The following RIMS2 variants were observed in gnomAD, a reference collection of about 807,000 sequenced individuals.
RIMS2 encodes regulating synaptic membrane exocytosis 2.
RIMS2 carries 59 observed loss-of-function variants against 174.4 expected under a neutral mutation model. The observed-to-expected ratio is 0.34, with a 90% CI of 0.27 to 0.42. The LOEUF is 0.42. RIMS2 is among the 10% of genes least tolerant of loss of function. The pLI, the probability that RIMS2 is intolerant of heterozygous loss-of-function variation, is 1.00. For synonymous variants in RIMS2, 606 were observed against 572.5 expected, an observed-to-expected ratio of 1.06 and a Z score of -0.84; for missense variants, 1,620 against 1,666.3, an observed-to-expected ratio of 0.97 and a Z score of 0.48.
intron 1 of RIMS2, among the ~76,000 whole-genome samples, chr8:103,593,342 T>C (rs1042379942): frequency 4.6e-5 from 7 of 151,464 alleles, no homozygotes; most frequent in African/African-American, 1.7e-4. Flanking sequence ...TGCTGCAAAA[T>C]TGCACATGGG....
At chr8:104,241,748 TTTTGTTTG>T (rs528533367) in intron 19 of RIMS2, among the ~76,000 whole-genome samples, 2 of 151,704 alleles carry the variant, frequency 1.3e-5, no homozygotes, top group Non-Finnish European at 2.9e-5. Context: ...TGCTTGGGGT[TTTTGTTTG>T]TTTGTTTGTT....
At chr8:104,023,066 G>A (rs989992188) in intron 19 of RIMS2, among the ~76,000 whole-genome samples, 12 of 152,068 alleles carry the variant, frequency 7.9e-5, no homozygotes, top group African/African-American at 2.9e-4. Flanking sequence ...TTTATTTTAT[G>A]TATCACAATA....
chr8:103,850,204 A>T (rs1229305680), intron 3 of RIMS2, among the ~76,000 whole-genome samples: 1 of 152,068 alleles, frequency 6.6e-6, no homozygotes, highest in African/African-American at 2.4e-5. Context: ...GTTTAAATAT[A>T]GTCATTCAAT....
At chr8:103,812,463 C>T (rs1274445160) in intron 3 of RIMS2, among the ~76,000 whole-genome samples, 1 of 150,644 alleles carries the variant, frequency 6.6e-6, no homozygotes, top group African/African-American at 2.4e-5. Context: ...TTGGTATATA[C>T]CTCCGCCTCT....
chr8:104,109,510 G>T (rs931816898), intron 19 of RIMS2, among the ~76,000 whole-genome samples: 1 of 150,786 alleles, frequency 6.6e-6, no homozygotes, highest in Non-Finnish European at 1.5e-5. Context: ...TTAGAGGGTT[G>T]TCATGAGAAC....
intron 1 of RIMS2, among the ~76,000 whole-genome samples, chr8:103,669,746 G>C (rs1350850799): frequency 6.6e-6 from 1 of 152,242 alleles, no homozygotes; most frequent in African/African-American, 2.4e-5. Flanking sequence ...GCAAGAGGTA[G>C]GTTCTCATAG....
intron 1 of RIMS2, among the ~76,000 whole-genome samples, chr8:103,627,918 C>A (rs1286607043): frequency 6.6e-6 from 1 of 152,120 alleles, no homozygotes; most frequent in Non-Finnish European, 1.5e-5. Flanking sequence ...CCTTTCAAAA[C>A]CTAAATGCGC....
At chr8:104,211,462 C>T (rs1271401428) in intron 19 of RIMS2, among the ~76,000 whole-genome samples, 1 of 152,114 alleles carries the variant, frequency 6.6e-6, no homozygotes, top group Non-Finnish European at 1.5e-5. Flanking sequence ...TAAAATTAGA[C>T]ATACAGGTCC....
chr8:103,593,726 G>A (rs1381785197), intron 1 of RIMS2, among the ~76,000 whole-genome samples: 1 of 151,260 alleles, frequency 6.6e-6, no homozygotes, highest in African/African-American at 2.4e-5. Context: ...TTTGAGAAAT[G>A]TGATTACTTT....
At chr8:103,617,729 A>G (rs1345294487) in intron 1 of RIMS2, among the ~76,000 whole-genome samples, 1 of 152,246 alleles carries the variant, frequency 6.6e-6, no homozygotes, top group Non-Finnish European at 1.5e-5. Context: ...GAAGATGTAT[A>G]TGCGGTCAAC....
Position 104,155,560 on chromosome 8 carries a change from C to T in RIMS2, c.3335-89356C>T, listed in dbSNP as rs2098718239. Among the ~76,000 whole-genome samples, 4 of 151,118 alleles carry T rather than the reference C, an allele frequency of 2.6e-5. No homozygotes were observed. The South Asian group carries it at 8.4e-4, about 32-fold the overall frequency. ...TCCCGAGTAGCTGGGATTACAGGCGCCCACCACCATGCCCGGCTAATTTTT... is the reference window on the plus strand; with the variant it reads ...TCCCGAGTAGCTGGGATTACAGGCGTCCACCACCATGCCCGGCTAATTTTT... On this transcript the variant is annotated intron_variant, in intron 19 of 23. Transcript: ENST00000504942.
chr8:103,591,008 A>G (rs184871681), intron 1 of RIMS2, among the ~76,000 whole-genome samples: 10 of 150,912 alleles, frequency 6.6e-5, no homozygotes, highest in Admixed American at 6.6e-4. Flanking sequence ...CCACCAAAAA[A>G]GGTATTTTAT....
chr8:104,057,221 C>T lies in RIMS2; in HGVS notation c.3334+42606C>T, dbSNP rs149837131. On this transcript the variant is annotated intron_variant, in intron 19 of 23. Transcript: ENST00000504942. ...ATATGGGACCACAGGCACATGCTAC[C>T]GCCCCCAGCTAAATTTTTTATTTTT... 3.1e-3 allele frequency among the ~76,000 whole-genome samples: 465 copies of T among 151,916 alleles called. 2 individuals carry two copies. Among genetic ancestry groups the T allele is most frequent in the Non-Finnish European group, 4.5e-3 (303 of 67,956 alleles).
chr8:103,611,880 C>T (rs986334739), intron 1 of RIMS2, among the ~76,000 whole-genome samples: 1 of 152,064 alleles, frequency 6.6e-6, no homozygotes, highest in African/African-American at 2.4e-5. Flanking sequence ...ATATCTCTTT[C>T]TCTACCTCTT....
chr8:104,083,207 A>G (rs10093148), intron 19 of RIMS2, among the ~76,000 whole-genome samples: 35,557 of 151,948 alleles, frequency 0.23, 4,414 homozygotes, highest in African/African-American at 0.33. Flanking sequence ...TTAACATTAC[A>G]TAGTTATTCA....
intron 1 of RIMS2, among the ~76,000 whole-genome samples, chr8:103,511,934 A>G (rs762918667): frequency 1.3e-5 from 2 of 152,104 alleles, no homozygotes; most frequent in Non-Finnish European, 1.5e-5. Context: ...GGAGGATGTG[A>G]TTGTGGCTCA....
chr8:103,760,297 A>G (rs192876998), intron 2 of RIMS2, among the ~76,000 whole-genome samples: 60 of 152,336 alleles, frequency 3.9e-4, no homozygotes, highest in African/African-American at 1.3e-3. Context: ...ATTACAATTC[A>G]TGGTAAATCT....
intron 19 of RIMS2, among the ~76,000 whole-genome samples, chr8:104,135,291 A>T (rs575255077): frequency 6.6e-6 from 1 of 152,098 alleles, no homozygotes; most frequent in African/African-American, 2.4e-5. Flanking sequence ...GCTCTACTGA[A>T]TTTTTTTCAA....
At chr8:104,130,837 G>T (rs527238239) in intron 19 of RIMS2, among the ~76,000 whole-genome samples, 1 of 152,212 alleles carries the variant, frequency 6.6e-6, no homozygotes, top group Non-Finnish European at 1.5e-5. Context: ...TGCAAGAACG[G>T]TATTTATGAA....
Sources: allele counts gnomAD v4.1 joint callset (sites outside exome capture counted in the v4.1 genomes callset), GRCh38; gene constraint gnomAD v4.1.1; transcripts MANE v1.5; gene names NCBI Gene and HGNC (gene_info 2026-07-23, HGNC 2026-07-21).